The following DGKD variants were observed in gnomAD, a reference collection of about 807,000 sequenced individuals.
DGKD encodes diacylglycerol kinase delta.
Under a neutral mutation model 154.4 loss-of-function variants are expected in DGKD, and 68 were observed. The ratio of observed to expected loss-of-function variants is 0.44; its 90% CI spans 0.36 to 0.54. The LOEUF (loss-of-function observed/expected upper bound fraction) is 0.54, where lower values mean the gene tolerates loss of function less well. Ranked by LOEUF, DGKD falls within the 20% of genes least tolerant of loss-of-function variation. DGKD has a pLI of 0.00. For synonymous variants in DGKD, 693 were observed against 638.0 expected (o/e 1.09, Z -1.30); for missense variants, 1,343 against 1,593.6 (o/e 0.84, Z 2.68).
chr2:233,431,522 C>G (rs1377915328), intron 3 of DGKD, among the ~76,000 whole-genome samples: 7 of 152,070 alleles, frequency 4.6e-5, no homozygotes, highest in Non-Finnish European at 1.0e-4. Context: ...CCAGAATAGC[C>G]AAAATTCTCC....
intron 24 of DGKD, among the ~76,000 whole-genome samples, chr2:233,461,933 GT>G (rs1257610168): frequency 6.6e-6 from 1 of 152,220 alleles, no homozygotes; most frequent in East Asian, 1.9e-4. Flanking sequence ...GGATTGTCCT[GT>G]TCAGATGAGG....
chr2:233,439,922 T>C (rs192985693), intron 9 of DGKD, among the ~76,000 whole-genome samples: 2 of 152,234 alleles, frequency 1.3e-5, no homozygotes, highest in Admixed American at 6.5e-5. Flanking sequence ...AGTGGAGATA[T>C]AATACGTCTG....
rs968833230 is a variant in DGKD at position 233,452,243 on chromosome 2, A to T, written c.2264+183A>T. Among the ~76,000 whole-genome samples, 7 of 152,228 alleles carry T rather than the reference A, an allele frequency of 4.6e-5. No individual in the cohort carries two copies. The highest frequency in any genetic ancestry group is 3.3e-4 in the Admixed American group (5 of 15,280). On this transcript the variant is annotated intron_variant, in intron 18 of 29. Coordinates refer to ENST00000264057, the MANE Select transcript of DGKD (RefSeq NM_152879.3). The surrounding 1 kb of genome is among the most constrained non-coding windows in gnomAD (Gnocchi z 4.0). ...GTGGAGCTGGAAACCACTACTGCAC[A>T]TCTGCTGCAGAGGCAAAGCGCACGC...
chr2:233,465,481 G>A (rs1437257324), intron 27 of DGKD, among the ~76,000 whole-genome samples: 1 of 152,166 alleles, frequency 6.6e-6, no homozygotes, highest in Non-Finnish European at 1.5e-5. Context: ...GTCAAGAGTG[G>A]TGGCTCGCAC....
At chr2:233,367,417 C>T (rs1329459320) in intron 1 of DGKD, among the ~76,000 whole-genome samples, 2 of 151,920 alleles carry the variant, frequency 1.3e-5, no homozygotes, top group Non-Finnish European at 2.9e-5. Flanking sequence ...TTAGTAGAGA[C>T]GGGGTTTCAC....
chr2:233,367,114 T>A (rs1702067172), intron 1 of DGKD, among the ~76,000 whole-genome samples: 1 of 152,198 alleles, frequency 6.6e-6, no homozygotes, highest in Non-Finnish European at 1.5e-5. Context: ...TTGGTTGTTG[T>A]TATCTCTTTA....
intron 3 of DGKD, chr2:233,392,106 C>T (rs1161573619): frequency 6.6e-6 from 1 of 151,614 alleles, no homozygotes; most frequent in East Asian, 1.9e-4. Flanking sequence ...CTCACTGCAA[C>T]CTCCGTCTCC....
At chr2:233,383,121 AC>A in intron 1 of DGKD, among the ~76,000 whole-genome samples, 1 of 150,360 alleles carries the variant, frequency 6.7e-6, no homozygotes. Context: ...GCCCACTGCA[AC>A]CTCCGTCTGC....
intron 18 of DGKD, chr2:233,454,227 T>C (rs1559170782): frequency 2.8e-6 from 1 of 361,128 alleles, no homozygotes; most frequent in African/African-American, 2.2e-5. Flanking sequence ...AACATCCCAG[T>C]GTCCGTCTGC....
chr2:233,412,237 G>C (rs1366584954), intron 3 of DGKD, among the ~76,000 whole-genome samples: 1 of 152,186 alleles, frequency 6.6e-6, no homozygotes. Context: ...TAATGATGTT[G>C]AGTTTTCCAG....
chr2:233,435,537 G>A (rs937622253), intron 5 of DGKD, among the ~76,000 whole-genome samples: 2 of 152,224 alleles, frequency 1.3e-5, no homozygotes, highest in South Asian at 2.1e-4. Context: ...ACATGACAGA[G>A]TTGATTAGTG....
intron 3 of DGKD, among the ~76,000 whole-genome samples, chr2:233,409,796 T>G (rs1334081101): frequency 1.4e-5 from 2 of 141,654 alleles, no homozygotes; most frequent in East Asian, 2.1e-4. Context: ...CGTTTTTTTT[T>G]TTTTTTTTTT....
rs1701598765 is a variant in DGKD at position 233,357,786 on chromosome 2, C to T, written c.156+3112C>T. ...TCCTGAGCTCAAGTAATACACCCAC[C>T]TCAGCCTCCCAAAGTGCTGGGATTA... On this transcript the variant is annotated intron_variant, in intron 1 of 29. Coordinates refer to ENST00000264057, the MANE Select transcript of DGKD (RefSeq NM_152879.3). Among the ~76,000 whole-genome samples, 3 of 152,108 alleles carry T rather than the reference C, an allele frequency of 2.0e-5. No individual in the cohort carries two copies. In the South Asian group the frequency reaches 6.2e-4, roughly 32 times the overall value.
intron 1 of DGKD, chr2:233,386,152 G>T: frequency 6.7e-6 from 2 of 297,230 alleles, no homozygotes; most frequent in South Asian, 2.7e-5. Context: ...TGGGTTGTTG[G>T]TTTTGTCTTT....
intron 8 of DGKD, 152 bp downstream of exon 8, chr2:233,437,631 G>C: frequency 1.3e-6 from 1 of 770,612 alleles, no homozygotes; most frequent in South Asian, 1.7e-5. Context: ...GAGTTGCACA[G>C]AGCGGCACAC....
intron 1 of DGKD, among the ~76,000 whole-genome samples, chr2:233,377,078 CTTTTTTTTTTTT>C (rs755610624): frequency 7.7e-6 from 1 of 129,314 alleles, no homozygotes; most frequent in African/African-American, 3.0e-5. Flanking sequence ...TAGCATGTTC[CTTTTTTTTTTTT>C]TTTTTTTTGG....
intron 3 of DGKD, among the ~76,000 whole-genome samples, chr2:233,414,656 C>T (rs534208743): frequency 6.6e-5 from 10 of 152,222 alleles, no homozygotes; most frequent in Non-Finnish European, 1.3e-4. Flanking sequence ...GACCTTGTCT[C>T]TGCGGTCCTG....
chr2:233,450,072 G>T lies in DGKD; in HGVS notation c.1979G>T (p.Cys660Phe). ...GAGGAGAAGATGGACCACAGAGTGT[G>T]CCCACCACTGTCCCACAGCGAGAGC... ...ESEEKMDHRV[C>F]PPLSHSESFG... is the part of the protein sequence containing the mutation. Residue 660 changes from cysteine (C) to phenylalanine (F), a missense_variant, in exon 16 of 30, where the codon TGC (cysteine) becomes TTC (phenylalanine). By Grantham distance (205) the Cys-to-Phe change is radical (BLOSUM62 -2). Transcript: ENST00000264057. 1.2e-6 allele frequency: 2 copies of T among 1,614,002 alleles called. No individual in the cohort carries two copies. Among genetic ancestry groups the T allele is most frequent in the Non-Finnish European group, 1.7e-6 (2 of 1,179,962 alleles).
chr2:233,378,651 C>G (rs1672617151), intron 1 of DGKD, among the ~76,000 whole-genome samples: 3 of 152,154 alleles, frequency 2.0e-5, no homozygotes. Flanking sequence ...GTTTAAGCGC[C>G]TTTTGCATTT....
Sources: gnomAD v4.1 joint callset for allele counts (sites outside exome capture counted in the v4.1 genomes callset) on GRCh38, gnomAD v4.1.1 for gene constraint, Gnocchi (gnomAD v3.1) non-coding constraint, MANE v1.5 for transcripts, NCBI Gene and HGNC (gene_info 2026-07-23, HGNC 2026-07-21) for gene names.